The following EBF1 variants were observed in gnomAD, a reference collection of about 807,000 sequenced individuals.
EBF1 encodes the protein EBF transcription factor 1, also known as transcription factor COE1.
Under a neutral mutation model 68.4 loss-of-function variants are expected in EBF1, and 10 were observed. The observed-to-expected ratio is 0.15, with a 90% CI of 0.09 to 0.25. The LOEUF (loss-of-function observed/expected upper bound fraction) is 0.25. EBF1 is among the 10% of genes least tolerant of loss of function. The pLI is 1.00. For synonymous variants in EBF1, 298 were observed against 299.8 expected (o/e 0.99, Z 0.06); for missense variants, 509 against 794.4 (o/e 0.64, Z 4.32).
intron 11 of EBF1, among the ~76,000 whole-genome samples, chr5:158,728,146 C>A (rs143400100): frequency 6.6e-6 from 1 of 152,114 alleles, no homozygotes; most frequent in South Asian, 2.1e-4. Context: ...TGGCTCCATC[C>A]GCCACTTCCT....
intron 6 of EBF1, among the ~76,000 whole-genome samples, chr5:158,867,798 TA>T: frequency 1.3e-5 from 2 of 152,332 alleles, no homozygotes; most frequent in Admixed American, 6.5e-5. Flanking sequence ...ACAATGGACA[TA>T]AAAAGGAACA....
At chr5:158,891,686 G>A (rs1048628780) in intron 6 of EBF1, among the ~76,000 whole-genome samples, 22 of 152,022 alleles carry the variant, frequency 1.4e-4, no homozygotes, top group Admixed American at 3.3e-4. Flanking sequence ...GTATGTTTAC[G>A]CATACGTATG....
intron 4 of EBF1, among the ~76,000 whole-genome samples, chr5:159,094,000 CTT>C (rs35491355): frequency 2.3e-4 from 30 of 130,058 alleles, no homozygotes; most frequent in Non-Finnish European, 3.7e-4. Context: ...TCCCTCCCAA[CTT>C]TTTTTTTTTT....
At chr5:158,718,081 G>A (rs1010380942) in intron 11 of EBF1, among the ~76,000 whole-genome samples, 4 of 152,270 alleles carry the variant, frequency 2.6e-5, no homozygotes, top group East Asian at 1.9e-4. Flanking sequence ...AATGCTGAAT[G>A]GGCTACAAAT....
chr5:159,037,287 C>CT (rs1440519247), intron 6 of EBF1, among the ~76,000 whole-genome samples: 1 of 92,804 alleles, frequency 1.1e-5, no homozygotes, highest in Non-Finnish European at 2.1e-5. Context: ...ACCATTTGAC[C>CT]CAGCCATTCC....
intron 10 of EBF1, among the ~76,000 whole-genome samples, chr5:158,758,018 C>T (rs984835480): frequency 6.6e-6 from 1 of 152,172 alleles, no homozygotes; most frequent in African/African-American, 2.4e-5. Flanking sequence ...TTAATAACAG[C>T]TACCATTTTT....
At chr5:159,071,522 A>AT (rs1176346720) in intron 6 of EBF1, among the ~76,000 whole-genome samples, 2 of 152,248 alleles carry the variant, frequency 1.3e-5, no homozygotes, top group Non-Finnish European at 2.9e-5. Flanking sequence ...CAACAATAGA[A>AT]GCCACACTAA....
chr5:158,768,333 T>C (rs951326977), intron 10 of EBF1, among the ~76,000 whole-genome samples: 1 of 152,120 alleles, frequency 6.6e-6, no homozygotes, highest in African/African-American at 2.4e-5. Flanking sequence ...TTGTTTTAAA[T>C]TCATAACTCC....
At chr5:159,086,099 C>T (rs943552447) in intron 4 of EBF1, among the ~76,000 whole-genome samples, 3 of 152,132 alleles carry the variant, frequency 2.0e-5, no homozygotes, top group Non-Finnish European at 4.4e-5. Flanking sequence ...CTTTGACATA[C>T]ATGTACACCT....
Position 159,099,428 on chromosome 5 carries a change from T to C in EBF1, c.51A>G (p.Glu17=). ...SIQRSGSSMK[E]EPLGSGMNAV... ...CGTTCATGCCGCTGCCCAGCGGCTC[T>C]TCCTTCATGCTGCTTCCACTCCGTT... Residue 17 remains glutamate, a synonymous_variant, in exon 1 of 16, where the codon GAA becomes GAG. Transcript: ENST00000313708. The C allele has an allele frequency of 1.2e-6, 2 of 1,601,810 alleles. No homozygotes were observed. Among genetic ancestry groups the C allele is most frequent in the Non-Finnish European group, 1.7e-6 (2 of 1,174,242 alleles).
chr5:159,052,396 T>A (rs903085292), intron 6 of EBF1, among the ~76,000 whole-genome samples: 7 of 151,696 alleles, frequency 4.6e-5, no homozygotes, highest in Admixed American at 1.3e-4. Flanking sequence ...TGGATCTTTG[T>A]ACCAGATTCT....
intron 6 of EBF1, among the ~76,000 whole-genome samples, chr5:158,931,002 C>T (rs1219749495): frequency 6.6e-6 from 1 of 152,090 alleles, no homozygotes; most frequent in Non-Finnish European, 1.5e-5. Flanking sequence ...CATTTTTAAT[C>T]TTTCATTTTT....
At chr5:158,750,611 G>C (rs1055106083) in intron 10 of EBF1, among the ~76,000 whole-genome samples, 1 of 151,982 alleles carries the variant, frequency 6.6e-6, no homozygotes, top group Non-Finnish European at 1.5e-5. Flanking sequence ...TTTACGGCTA[G>C]ATATAATTTC....
rs527518296 is a variant in EBF1, at chr5:158,754,101, C to T, written c.1037-22944G>A. Among the ~76,000 whole-genome samples the T allele has an allele frequency of 4.6e-5, 7 of 152,192 alleles. No homozygotes were observed. The East Asian group carries it at 1.4e-3, about 29-fold the overall frequency. ...GACTTGGCAAACTTGAAGTATTACC[C>T]ATTGACTAATACTTCTATTAGTCAA... On this transcript the variant is annotated intron_variant, in intron 10 of 15. Coordinates refer to ENST00000313708, the MANE Select transcript of EBF1 (RefSeq NM_024007.5).
At chr5:158,981,401 T>C (rs1757874708) in intron 6 of EBF1, among the ~76,000 whole-genome samples, 1 of 152,178 alleles carries the variant, frequency 6.6e-6, no homozygotes, top group Non-Finnish European at 1.5e-5. Flanking sequence ...GAAGCATACA[T>C]TTTTACCTAT....
At chr5:158,745,491 C>A (rs1189520647) in intron 10 of EBF1, among the ~76,000 whole-genome samples, 1 of 152,188 alleles carries the variant, frequency 6.6e-6, no homozygotes, top group Non-Finnish European at 1.5e-5. Context: ...ACACAGAAGA[C>A]TCTTTGTGTC....
At chr5:158,748,682 G>A (rs1768118422) in intron 10 of EBF1, among the ~76,000 whole-genome samples, 1 of 152,134 alleles carries the variant, frequency 6.6e-6, no homozygotes, top group Admixed American at 6.5e-5. Flanking sequence ...ACAACCAAAC[G>A]AGCGTTCTGG....
intron 6 of EBF1, among the ~76,000 whole-genome samples, chr5:158,936,055 T>C (rs1811951541): frequency 6.6e-6 from 1 of 152,210 alleles, no homozygotes; most frequent in Non-Finnish European, 1.5e-5. Context: ...TTCCATCCTC[T>C]TTCCAAAGCA....
chr5:158,919,218 T>A (rs1013235623), intron 6 of EBF1, among the ~76,000 whole-genome samples: 1 of 151,652 alleles, frequency 6.6e-6, no homozygotes, highest in Non-Finnish European at 1.5e-5. Flanking sequence ...TTTATGAGGG[T>A]CTTAGGATGA....
Sources: allele counts gnomAD v4.1 joint callset (sites outside exome capture counted in the v4.1 genomes callset), GRCh38; gene constraint gnomAD v4.1.1; transcripts MANE v1.5; gene names NCBI Gene and HGNC (gene_info 2026-07-23, HGNC 2026-07-21).